Variants in BOD1L1 observed in about 807,000 individuals in gnomAD.
BOD1L1 encodes biorientation of chromosomes in cell division protein 1-like 1.
A neutral mutation model predicts 240.7 loss-of-function variants in BOD1L1; 86 were observed. The observed-to-expected ratio is 0.36, with a 90% CI of 0.30 to 0.43. BOD1L1 has a LOEUF of 0.43. Among genes scored for constraint, BOD1L1 ranks in the 20% least tolerant of loss-of-function variants. The pLI, the probability that BOD1L1 is intolerant of heterozygous loss-of-function variation, is 1.00. For missense variants in BOD1L1, 3,554 were observed against 3,643.5 expected (o/e 0.98, Z 0.63); for synonymous variants, 1,268 against 1,272.3 (o/e 1.00, Z 0.07).
chr4:13,606,990 C>A, intron 9 of BOD1L1, 127 bp downstream of exon 9: 1 of 570,162 alleles, frequency 1.8e-6, no homozygotes, highest in Non-Finnish European at 2.9e-6. Flanking sequence ...TTCAAAAATG[C>A]TGAATGTAAG....
At chr4:13,581,912 C>T (rs1452967080) in intron 19 of BOD1L1, among the ~76,000 whole-genome samples, 1 of 152,200 alleles carries the variant, frequency 6.6e-6, no homozygotes, top group African/African-American at 2.4e-5. Flanking sequence ...CTCCTGTTTG[C>T]TGCCATGTGC....
rs370124533 is a variant in BOD1L1, at chr4:13,586,472, T to C, written c.8357A>G (p.Asp2786Gly). The change falls in exon 17 of 26, where the codon GAT (aspartate) becomes GGT (glycine). Residue 2786 changes from aspartate to glycine, a missense_variant. Asp to Gly is a moderately conservative substitution (Grantham distance 94). Around this residue, in one of 2 missense-constraint regions of BOD1L1, gnomAD observed 3,393 missense variants for 3,427.1 expected, o/e 0.99. Coordinates refer to ENST00000040738, the MANE Select transcript of BOD1L1 (RefSeq NM_148894.3). ...HYLSSEDEPDDNPDVLDSRIE... is the reference protein window; with the variant it reads ...HYLSSEDEPDGNPDVLDSRIE... ...TCTGGAATCCAGGACATCTGGATTATCATCTGTAAATCAGTTTAGACAGAA... is the reference window on the plus strand; with the variant it reads ...TCTGGAATCCAGGACATCTGGATTACCATCTGTAAATCAGTTTAGACAGAA... 2 of 1,601,188 alleles carry C rather than the reference T, an allele frequency of 1.2e-6. No individual in the cohort carries two copies. The highest frequency in any genetic ancestry group is 1.7e-6 in the Non-Finnish European group (2 of 1,169,718).
chr4:13,598,403 C>T (rs1227024461), intron 10 of BOD1L1, among the ~76,000 whole-genome samples: 1 of 152,038 alleles, frequency 6.6e-6, no homozygotes, highest in African/African-American at 2.4e-5. Context: ...ATCGTGTTTG[C>T]CTTTGTATTA....
intron 12 of BOD1L1, chr4:13,593,057 A>C (rs1238056874): frequency 6.6e-6 from 1 of 152,162 alleles, no homozygotes; most frequent in Non-Finnish European, 1.5e-5. Flanking sequence ...GAGTACCAAC[A>C]TGACTCTCAA....
chr4:13,627,540 A>AGGC lies in BOD1L1; in HGVS notation c.45_47dup (p.Pro19dup). ...GCTGCGGCTGCGGCTGCGGCGGGGG[A>AGGC]GGCGGCGGCGCCGGAGGAGGCGGCT... On this transcript the variant is annotated inframe_insertion, in exon 1 of 26. Coordinates refer to ENST00000040738, the MANE Select transcript of BOD1L1 (RefSeq NM_148894.3). 7.1e-6 allele frequency: 8 copies of AGGC among 1,122,744 alleles called. No homozygotes were observed. The highest frequency in any genetic ancestry group is 8.6e-5 in the South Asian group (2 of 23,212). 69.5% of individuals were successfully genotyped at this position (1,122,744 alleles called of 1,614,324 possible).
chr4:13,603,708 C>G lies in BOD1L1; in HGVS notation c.3192G>C (p.Lys1064Asn), dbSNP rs1183186625. 6.2e-7 allele frequency: 1 copy of G among 1,613,818 alleles called. No homozygotes were observed. The highest frequency in any genetic ancestry group is 8.5e-7 in the Non-Finnish European group (1 of 1,179,848). The change falls in exon 10 of 26, where the codon AAG becomes AAC. Residue 1064 changes from lysine (K) to asparagine (N), a missense_variant. This residue lies in a region of BOD1L1 where 3,393 missense variants were observed against 3,427.1 expected (regional missense o/e 0.99). Coordinates refer to ENST00000040738, the MANE Select transcript of BOD1L1 (RefSeq NM_148894.3). Reference protein sequence around the residue: ...KARGNSSLMEKKLSRRLCENR... With the variant: ...KARGNSSLMENKLSRRLCENR... ...TTTCGCACAACCTTCTACTTAATTT[C>G]TTTTCCATGAGTGAACTATTACCTC...
rs776310060 is a variant in BOD1L1 at position 13,604,103 on chromosome 4, T to C, written c.2797A>G (p.Thr933Ala). ...GGTTTTGGAGTGGTTGCCTGTTTTG[T>C]GGCACCTTCTTGTAATTCTGTTTCT... Reference protein sequence around the residue: ...VVETELQEGATKQATTPKPDK... With the variant: ...VVETELQEGAAKQATTPKPDK... The change falls in exon 10 of 26, where the codon ACA becomes GCA. Residue 933 changes from threonine to alanine, a missense_variant. By Grantham distance (58) the Thr-to-Ala change is moderately conservative. Transcript: ENST00000040738. 2.9e-5 allele frequency: 47 copies of C among 1,613,666 alleles called. No homozygotes were observed. The highest frequency in any genetic ancestry group is 2.0e-4 in the South Asian group (18 of 91,078).
chr4:13,577,077 A>T, intron 24 of BOD1L1, 86 bp from the exon 25 acceptor site: 1 of 1,469,780 alleles, frequency 6.8e-7, no homozygotes, highest in Non-Finnish European at 9.2e-7. Flanking sequence ...AGAACTTAGG[A>T]TATTAGGGAC....
chr4:13,577,775 T>C (rs1712887962), intron 22 of BOD1L1, 144 bp from the exon 23 acceptor site: 2 of 626,280 alleles, frequency 3.2e-6, no homozygotes, highest in Non-Finnish European at 5.5e-6. Flanking sequence ...CAAGCAAAGA[T>C]AGAATCAGAA....
rs1461798415 is a variant in BOD1L1, at chr4:13,599,922, A to G, written c.6978T>C (p.Asp2326=). The G allele has an allele frequency of 1.9e-6, 3 of 1,613,594 alleles. No individual in the cohort carries two copies. The highest frequency in any genetic ancestry group is 2.5e-6 in the Non-Finnish European group (3 of 1,179,772). The change falls in exon 10 of 26, where the codon GAT becomes GAC. Residue 2326 remains aspartate (D), a synonymous_variant. Transcript: ENST00000040738. ...LTITRVEDLS[D]AAIISTSTAE... is the part of the protein sequence containing the mutation. ...CTGTGCTGGTGGAGATGATGGCAGC[A>G]TCGCTCAAGTCTTCTACTCTTGTGA... is the stretch of plus-strand genomic sequence containing the variant.
intron 7 of BOD1L1, 59 bp from the exon 8 acceptor site, chr4:13,608,727 T>C (rs1715925520): frequency 3.0e-6 from 4 of 1,322,842 alleles, no homozygotes; most frequent in South Asian, 2.0e-5. Flanking sequence ...CAATGTAATA[T>C]TAATTTTTCA....
At chr4:13,585,299 T>C (rs1713580847) in intron 17 of BOD1L1, among the ~76,000 whole-genome samples, 1 of 152,204 alleles carries the variant, frequency 6.6e-6, no homozygotes, top group Non-Finnish European at 1.5e-5. Context: ...TTTAGAGAAC[T>C]GGAAGTCAGC....
intron 5 of BOD1L1, 62 bp from the exon 6 acceptor site, chr4:13,611,162 C>T: frequency 7.9e-7 from 1 of 1,262,158 alleles, no homozygotes; most frequent in East Asian, 2.4e-5. Context: ...CAACATTATG[C>T]TGTACAAGCA....
Position 13,611,055 on chromosome 4 carries a change from T to G in BOD1L1, c.1370A>C (p.Asp457Ala), listed in dbSNP as rs1222849027. ...KQNKTKTQTS[D>A]SSEGKTKSVR... ...ACTTTTTGTTTTTCCTTCACTAGAA[T>G]CACTAGTTTGAGTTTTTGTTTTATT... Residue 457 changes from aspartate to alanine, a missense_variant, in exon 6 of 26, where the codon GAT becomes GCT. Coordinates refer to ENST00000040738, the MANE Select transcript of BOD1L1 (RefSeq NM_148894.3). 1 of 1,611,266 alleles carries G rather than the reference T, an allele frequency of 6.2e-7. No homozygotes were observed. Among genetic ancestry groups the G allele is most frequent in the Non-Finnish European group, 8.5e-7 (1 of 1,178,138 alleles).
chr4:13,586,317 T>G (rs1440002329), intron 17 of BOD1L1, 79 bp downstream of exon 17: 2 of 695,244 alleles, frequency 2.9e-6, no homozygotes, highest in East Asian at 5.7e-5. Context: ...AAAAAAATAT[T>G]ATACTAAGTA....
chr4:13,588,185 CAAA>C (rs201474701), intron 15 of BOD1L1, among the ~76,000 whole-genome samples: 3 of 76,488 alleles, frequency 3.9e-5, no homozygotes, highest in Non-Finnish European at 2.6e-5. Context: ...GAGACTGTTT[CAAA>C]AAAAAAAAAA....
intron 15 of BOD1L1, 129 bp downstream of exon 15, chr4:13,588,593 T>A: frequency 1.4e-6 from 1 of 703,564 alleles, no homozygotes; most frequent in Non-Finnish European, 2.3e-6. Context: ...AAGTGACATG[T>A]GGAACTCTCA....
intron 17 of BOD1L1, among the ~76,000 whole-genome samples, chr4:13,585,578 A>G (rs1713612633): frequency 6.6e-6 from 1 of 152,094 alleles, no homozygotes; most frequent in Admixed American, 6.5e-5. Flanking sequence ...TGAAAATAAA[A>G]CCATAGGAAA....
intron 15 of BOD1L1, 61 bp downstream of exon 15, chr4:13,588,657 CTTCT>C (rs937762681): frequency 1.6e-5 from 20 of 1,221,040 alleles, no homozygotes; most frequent in Non-Finnish European, 2.1e-5. Context: ...TTCTAAAGCC[CTTCT>C]TTGTGTACAG....
Sources: gnomAD v4.1 joint callset for allele counts (sites outside exome capture counted in the v4.1 genomes callset) on GRCh38, gnomAD v4.1.1 for gene constraint, gnomAD v4.1.1 regional missense constraint, MANE v1.5 for transcripts, NCBI Gene and HGNC (gene_info 2026-07-23, HGNC 2026-07-21) for gene names.